Variants in FHIT observed in about 807,000 individuals in gnomAD.
FHIT encodes bis(5'-adenosyl)-triphosphatase.
FHIT carries 19 observed loss-of-function variants against 17.9 expected under a neutral mutation model. The ratio of observed to expected loss-of-function variants is 1.06; its 90% CI spans 0.74 to 1.56. The LOEUF is 1.56. FHIT is among the 40% of genes most tolerant of loss of function. FHIT has a pLI of 0.00. For missense variants in FHIT, 248 were observed against 189.2 expected (o/e 1.31, Z -1.82); for synonymous variants, 81 against 69.7 (o/e 1.16, Z -0.81).
chr3:60,955,063 G>C (rs1234672343), intron 3 of FHIT, among the ~76,000 whole-genome samples: 4 of 152,104 alleles, frequency 2.6e-5, no homozygotes, highest in African/African-American at 9.7e-5. Context: ...AAAATTTAAA[G>C]TCACATCTCT....
chr3:61,203,061 T>C (rs1394129088), intron 1 of FHIT, among the ~76,000 whole-genome samples: 1 of 151,538 alleles, frequency 6.6e-6, no homozygotes, highest in African/African-American at 2.4e-5. Flanking sequence ...GCGCCTGTAG[T>C]CCCAGCTACT....
intron 5 of FHIT, among the ~76,000 whole-genome samples, chr3:60,120,635 A>G (rs970136204): frequency 6.6e-6 from 1 of 152,228 alleles, no homozygotes; most frequent in Non-Finnish European, 1.5e-5. Context: ...CATTCTAAAC[A>G]GCATTTTTTA....
rs569890518 is a variant in FHIT at position 60,008,840 on chromosome 3, G to T, written c.279+2531C>A. On this transcript the variant is annotated intron_variant, in intron 7 of 9. Transcript: ENST00000492590. ...TTGTCCCCTAGAGGGGCTGGCTACT[G>T]CAAGACTGGCTTCCAGGGGTCATAA... 4.6e-5 allele frequency among the ~76,000 whole-genome samples: 7 copies of T among 152,336 alleles called. No individual in the cohort carries two copies. In the South Asian group the frequency reaches 1.4e-3, roughly 32 times the overall value.
intron 2 of FHIT, among the ~76,000 whole-genome samples, chr3:61,109,104 T>C (rs1383622430): frequency 6.6e-6 from 1 of 152,114 alleles, no homozygotes; most frequent in Non-Finnish European, 1.5e-5. Flanking sequence ...AGGTAGGGAA[T>C]GGCTAAGAAG....
chr3:59,990,825 A>G (rs1276099753), intron 7 of FHIT, among the ~76,000 whole-genome samples: 1 of 152,102 alleles, frequency 6.6e-6, no homozygotes, highest in African/African-American at 2.4e-5. Context: ...AAGACTGCTC[A>G]CTCATTAAGT....
At chr3:60,717,643 G>T (rs951380815) in intron 4 of FHIT, among the ~76,000 whole-genome samples, 5 of 152,172 alleles carry the variant, frequency 3.3e-5, no homozygotes, top group Admixed American at 3.3e-4. Flanking sequence ...TTGCATATGT[G>T]AATCTTGGTT....
intron 8 of FHIT, among the ~76,000 whole-genome samples, chr3:59,768,550 C>T (rs946300915): frequency 6.6e-6 from 1 of 152,182 alleles, no homozygotes; most frequent in African/African-American, 2.4e-5. Context: ...ATTTATCTTC[C>T]ACTCTATAGG....
intron 3 of FHIT, among the ~76,000 whole-genome samples, chr3:60,868,678 C>T (rs1317489515): frequency 6.6e-6 from 1 of 152,046 alleles, no homozygotes; most frequent in Non-Finnish European, 1.5e-5. Context: ...AAGGATATGG[C>T]GATACATTTT....
chr3:61,175,628 T>C (rs1032515468), intron 2 of FHIT, among the ~76,000 whole-genome samples: 1 of 152,034 alleles, frequency 6.6e-6, no homozygotes, highest in African/African-American at 2.4e-5. Context: ...AGGGCGAGGC[T>C]CTCATGACTG....
At chr3:60,275,339 T>C (rs1457988219) in intron 5 of FHIT, among the ~76,000 whole-genome samples, 2 of 152,194 alleles carry the variant, frequency 1.3e-5, no homozygotes, top group East Asian at 3.8e-4. Flanking sequence ...AAGACTACTT[T>C]GTCTAAACTC....
chr3:60,612,953 G>A (rs1188054721), intron 4 of FHIT, among the ~76,000 whole-genome samples: 2 of 139,690 alleles, frequency 1.4e-5, no homozygotes, highest in Non-Finnish European at 3.2e-5. Context: ...GGAATCCCTG[G>A]CTTTATGACT....
chr3:60,260,989 G>T (rs951397068), intron 5 of FHIT, among the ~76,000 whole-genome samples: 2 of 152,008 alleles, frequency 1.3e-5, no homozygotes, highest in African/African-American at 2.4e-5. Flanking sequence ...CCAACCCTCA[G>T]CTCCGGGAAT....
At chr3:60,141,341 T>C (rs1470741479) in intron 5 of FHIT, among the ~76,000 whole-genome samples, 2 of 151,278 alleles carry the variant, frequency 1.3e-5, no homozygotes, top group South Asian at 2.1e-4. Flanking sequence ...CCTCCTAAGA[T>C]TGTAGTTGTG....
intron 5 of FHIT, among the ~76,000 whole-genome samples, chr3:60,473,065 A>G (rs1487316454): frequency 6.6e-6 from 1 of 152,192 alleles, no homozygotes; most frequent in Non-Finnish European, 1.5e-5. Context: ...CTTTAAAAAA[A>G]AGTTTGAAAA....
chr3:60,822,730 C>T (rs907943765), intron 3 of FHIT, among the ~76,000 whole-genome samples: 9 of 152,020 alleles, frequency 5.9e-5, no homozygotes, highest in African/African-American at 1.9e-4. Context: ...GTTTCTGGCA[C>T]ATGTTAGATG....
intron 8 of FHIT, among the ~76,000 whole-genome samples, chr3:59,806,165 C>T (rs1368419393): frequency 6.9e-6 from 1 of 144,766 alleles, no homozygotes; most frequent in Non-Finnish European, 1.5e-5. Flanking sequence ...TGGGAGACAG[C>T]GAGAATCTGT....
At chr3:60,534,669 G>T (rs1389195929) in intron 5 of FHIT, among the ~76,000 whole-genome samples, 2 of 151,998 alleles carry the variant, frequency 1.3e-5, no homozygotes, top group African/African-American at 4.8e-5. Context: ...ATCAGAGAGG[G>T]TTGGATCCTT....
chr3:59,871,480 C>T (rs1702923439), intron 8 of FHIT, among the ~76,000 whole-genome samples: 1 of 152,060 alleles, frequency 6.6e-6, no homozygotes, highest in Admixed American at 6.5e-5. Flanking sequence ...ACAAAGACCA[C>T]CACCTCCACC....
chr3:60,343,928 T>C (rs911160159), intron 5 of FHIT, among the ~76,000 whole-genome samples: 1 of 152,184 alleles, frequency 6.6e-6, no homozygotes, highest in East Asian at 1.9e-4. Flanking sequence ...CTTTCTCTTG[T>C]GACCTGTCAT....
Sources: gnomAD v4.1 joint callset for allele counts (sites outside exome capture counted in the v4.1 genomes callset) on GRCh38, gnomAD v4.1.1 for gene constraint, MANE v1.5 for transcripts, NCBI Gene and HGNC (gene_info 2026-07-23, HGNC 2026-07-21) for gene names.